The following FCRL1 variants were observed in gnomAD, a reference collection of about 807,000 sequenced individuals.
The protein encoded by FCRL1 is Fc receptor-like protein 1.
In FCRL1, 34 loss-of-function variants were observed where a neutral mutation model predicts 49.2. That is an observed-to-expected ratio of 0.69 (90% CI 0.53 to 0.92). The LOEUF (loss-of-function observed/expected upper bound fraction) is 0.92, where lower values mean the gene tolerates loss of function less well. Ranked by LOEUF, FCRL1 falls within the 40% of genes least tolerant of loss-of-function variation. FCRL1 has a pLI of 0.00. For synonymous variants in FCRL1, 218 were observed against 201.6 expected (o/e 1.08, Z -0.69); for missense variants, 524 against 524.1 (o/e 1.00, Z 0.00).
At position 157,802,358 on chromosome 1, in the gene FCRL1, G is replaced by A. The variant is rs748268601; in HGVS notation, c.607+19C>T. On this transcript the variant is annotated intron_variant, in intron 4 of 10. Transcript: ENST00000368176. ...CCAGTTTGTGACTGGCTGGCTGAAC[G>A]AAGGGTAGTGGAACTTACTTCTGAC... is the stretch of plus-strand genomic sequence containing the variant. 6.1e-5 allele frequency: 99 copies of A among 1,609,928 alleles called. No individual in the cohort carries two copies. Among genetic ancestry groups the A allele is most frequent in the Non-Finnish European group, 7.6e-5 (89 of 1,177,172 alleles).
At chr1:157,817,022 G>A (rs1447601836) in intron 1 of FCRL1, among the ~76,000 whole-genome samples, 1 of 151,812 alleles carries the variant, frequency 6.6e-6, no homozygotes, top group Non-Finnish European at 1.5e-5. Flanking sequence ...CAAATAAATT[G>A]AAAGATATCA....
intron 3 of FCRL1, 103 bp from the exon 4 acceptor site, chr1:157,802,767 A>G: frequency 2.5e-6 from 3 of 1,217,800 alleles, no homozygotes; most frequent in Non-Finnish European, 3.4e-6. Flanking sequence ...GAGTGAAGTC[A>G]ATGATGTATA....
intron 7 of FCRL1, among the ~76,000 whole-genome samples, chr1:157,799,738 A>G (rs1316371081): frequency 6.6e-6 from 1 of 152,112 alleles, no homozygotes; most frequent in Non-Finnish European, 1.5e-5. Context: ...ACATGTATAC[A>G]TATGTAACAA....
intron 7 of FCRL1, among the ~76,000 whole-genome samples, chr1:157,799,589 T>G (rs1331629619): frequency 6.6e-6 from 1 of 152,054 alleles, no homozygotes; most frequent in Non-Finnish European, 1.5e-5. Flanking sequence ...ACATTGATTT[T>G]GTATCCTGAG....
intron 1 of FCRL1, among the ~76,000 whole-genome samples, chr1:157,809,055 G>A (rs1653911257): frequency 6.6e-6 from 1 of 152,194 alleles, no homozygotes; most frequent in African/African-American, 2.4e-5. Context: ...CTGATGTTAA[G>A]TTTAAGATGT....
At chr1:157,808,859 G>A (rs1329031111) in intron 1 of FCRL1, among the ~76,000 whole-genome samples, 3 of 151,690 alleles carry the variant, frequency 2.0e-5, no homozygotes, top group Non-Finnish European at 2.9e-5. Flanking sequence ...TAAATAGAAA[G>A]TGCAAAAGGA....
chr1:157,810,659 TA>T (rs912586287), intron 1 of FCRL1, among the ~76,000 whole-genome samples: 9 of 152,274 alleles, frequency 5.9e-5, no homozygotes, highest in African/African-American at 1.4e-4. Flanking sequence ...TATATGGATC[TA>T]AATCTTTGTC....
At chr1:157,818,282 G>A (rs1014916346) in intron 1 of FCRL1, among the ~76,000 whole-genome samples, 1 of 151,872 alleles carries the variant, frequency 6.6e-6, no homozygotes, top group Non-Finnish European at 1.5e-5. Context: ...AATGGATAAA[G>A]AAAATGCAAT....
intron 1 of FCRL1, among the ~76,000 whole-genome samples, chr1:157,807,937 G>A (rs946184246): frequency 1.3e-5 from 2 of 152,150 alleles, no homozygotes; most frequent in Non-Finnish European, 2.9e-5. Flanking sequence ...AGATTAAGGA[G>A]CTTAGACTAG....
chr1:157,803,747 C>T, intron 3 of FCRL1, 98 bp downstream of exon 3: 1 of 1,433,148 alleles, frequency 7.0e-7, no homozygotes, highest in Non-Finnish European at 9.4e-7. Context: ...TCAAACAGCT[C>T]CTACTCTTGC....
chr1:157,813,554 AT>A (rs946116542), intron 1 of FCRL1, among the ~76,000 whole-genome samples: 4 of 152,080 alleles, frequency 2.6e-5, no homozygotes, highest in African/African-American at 9.7e-5. Context: ...GCTGAGGAAA[AT>A]TTTTTTTCGA....
chr1:157,820,103 GAGC>G lies in FCRL1; in HGVS notation c.-69_-67del, dbSNP rs1157583058. On this transcript the variant is annotated 5_prime_UTR_variant, in exon 1 of 11. Transcript: ENST00000368176. ...CAAAAAAAGAATGCACCTCAGAGTCGAGCAGCAGCAGCTCATCAGAGGTTTGAG... is the reference window on the plus strand; with the variant it reads ...CAAAAAAAGAATGCACCTCAGAGTCGAGCAGCAGCTCATCAGAGGTTTGAG... 4.4e-6 allele frequency: 7 copies of G among 1,575,062 alleles called. No homozygotes were observed. Among genetic ancestry groups the G allele is most frequent in the Non-Finnish European group, 6.1e-6 (7 of 1,145,290 alleles).
chr1:157,817,945 C>T lies in FCRL1; in HGVS notation c.31+2062G>A, dbSNP rs556698609. ...ATCAACAGAAAAATGCAAATCAAAA[C>T]CACAATGAAATATTACCCCATACCT... is the stretch of plus-strand genomic sequence containing the variant. On this transcript the variant is annotated intron_variant, in intron 1 of 10. Transcript: ENST00000368176. 4.6e-5 allele frequency among the ~76,000 whole-genome samples: 7 copies of T among 152,102 alleles called. No individual in the cohort carries two copies. In the East Asian group the frequency reaches 1.4e-3, roughly 29 times the overall value.
At chr1:157,819,876 G>T in intron 1 of FCRL1, 131 bp downstream of exon 1, 1 of 1,016,318 alleles carries the variant, frequency 9.8e-7, no homozygotes, top group Non-Finnish European at 1.5e-6. Flanking sequence ...GCCCTCCGTG[G>T]AAGTGGAGAT....
At chr1:157,798,444 C>T (rs1476599676) in intron 7 of FCRL1, among the ~76,000 whole-genome samples, 1 of 152,090 alleles carries the variant, frequency 6.6e-6, no homozygotes, top group Non-Finnish European at 1.5e-5. Flanking sequence ...AGAGCATGCA[C>T]CAGCGGGTAA....
chr1:157,803,242 G>A (rs1325088981), intron 3 of FCRL1, among the ~76,000 whole-genome samples: 3 of 152,206 alleles, frequency 2.0e-5, no homozygotes, highest in African/African-American at 4.8e-5. Flanking sequence ...TAGCAAGCGT[G>A]GGAGAGCACA....
At chr1:157,807,729 T>C (rs1653701970) in intron 1 of FCRL1, among the ~76,000 whole-genome samples, 1 of 152,226 alleles carries the variant, frequency 6.6e-6, no homozygotes. Flanking sequence ...TTGACCATAA[T>C]ATTATGGCTC....
At chr1:157,797,301 C>T (rs1349431152) in intron 9 of FCRL1, among the ~76,000 whole-genome samples, 169 bp from the exon 10 acceptor site, 2 of 152,140 alleles carry the variant, frequency 1.3e-5, no homozygotes, top group African/African-American at 4.8e-5. Flanking sequence ...CCCTTAGTAG[C>T]CAGAGGAAAA....
chr1:157,802,006 G>A lies in FCRL1; in HGVS notation c.795C>T (p.Ser265=). Residue 265 remains serine, a synonymous_variant, in exon 5 of 11, where the codon TCC becomes TCT. Coordinates refer to ENST00000368176, the MANE Select transcript of FCRL1 (RefSeq NM_052938.5). ...PSGGGASFNL[S]LTEEHSGNYS... ...AGTTTCCAGAATGTTCTTCAGTCAG[G>A]GAAAGGTTGAAGGAGGCTCCTCCTC... 1 of 1,614,242 alleles carries A rather than the reference G, an allele frequency of 6.2e-7. No homozygotes were observed. Among genetic ancestry groups the A allele is most frequent in the Non-Finnish European group, 8.5e-7 (1 of 1,180,040 alleles).
Sources: gnomAD v4.1 joint callset for allele counts (sites outside exome capture counted in the v4.1 genomes callset) on GRCh38, gnomAD v4.1.1 for gene constraint, MANE v1.5 for transcripts, NCBI Gene and HGNC (gene_info 2026-07-23, HGNC 2026-07-21) for gene names.